LUZP2: variants seen among roughly 807,000 people sequenced by gnomAD.
The protein encoded by LUZP2 is leucine zipper protein 2.
In LUZP2, 52 loss-of-function variants were observed where a neutral mutation model predicts 51.6. That is an observed-to-expected ratio of 1.01 (90% CI 0.81 to 1.27). LUZP2 has a LOEUF of 1.27. Among genes scored for constraint, LUZP2 ranks in the 50% most tolerant of loss-of-function variants. LUZP2 has a pLI of 0.00. For synonymous variants in LUZP2, 154 were observed against 137.3 expected, an observed-to-expected ratio of 1.12 and a Z score of -0.85; for missense variants, 436 against 395.4, an observed-to-expected ratio of 1.10 and a Z score of -0.87.
intron 9 of LUZP2, among the ~76,000 whole-genome samples, chr11:25,021,783 TAG>T (rs56828026): frequency 0.57 from 86,566 of 151,492 alleles, 26,024 homozygotes; most frequent in African/African-American, 0.75. Flanking sequence ...TAGGGGAATA[TAG>T]AGAGTCTGTG....
chr11:24,917,397 G>A (rs1272455467), intron 7 of LUZP2, among the ~76,000 whole-genome samples: 1 of 152,114 alleles, frequency 6.6e-6, no homozygotes, highest in Non-Finnish European at 1.5e-5. Context: ...TTTTAGACAT[G>A]AAGTCCTTGC....
At chr11:24,609,552 A>T (rs1854046148) in intron 1 of LUZP2, among the ~76,000 whole-genome samples, 1 of 151,692 alleles carries the variant, frequency 6.6e-6, no homozygotes, top group African/African-American at 2.4e-5. Flanking sequence ...ATAGTGAAAA[A>T]ACCCTGTCTC....
At chr11:24,987,320 G>A (rs1856215549) in intron 9 of LUZP2, among the ~76,000 whole-genome samples, 2 of 151,974 alleles carry the variant, frequency 1.3e-5, no homozygotes, top group South Asian at 4.1e-4. Context: ...TGTAACTTCA[G>A]TTTTTTATCA....
rs547381844 is a variant in LUZP2 at position 25,067,790 on chromosome 11, A to G, written c.859-9539A>G. ...TTCCTCAAGGATTTGAACTAGAAATATCATTTGACCCAGCAGTCCCATTAC... is the reference window on the plus strand; with the variant it reads ...TTCCTCAAGGATTTGAACTAGAAATGTCATTTGACCCAGCAGTCCCATTAC... On this transcript the variant is annotated intron_variant, in intron 10 of 11. Transcript: ENST00000336930. 1.5e-3 allele frequency among the ~76,000 whole-genome samples: 234 copies of G among 152,130 alleles called. 3 individuals carry two copies. Among genetic ancestry groups the G allele is most frequent in the African/African-American group, 5.5e-3 (230 of 41,508 alleles).
chr11:24,575,521 C>A (rs552031987), intron 1 of LUZP2, among the ~76,000 whole-genome samples: 3 of 152,060 alleles, frequency 2.0e-5, no homozygotes, highest in African/African-American at 7.2e-5. Flanking sequence ...TTCATGATTC[C>A]TATGATTCAT....
At chr11:24,702,629 C>T (rs1215371255) in intron 1 of LUZP2, among the ~76,000 whole-genome samples, 1 of 152,120 alleles carries the variant, frequency 6.6e-6, no homozygotes, top group African/African-American at 2.4e-5. Flanking sequence ...ATGAGTGAGG[C>T]CTCACTTATC....
At chr11:24,659,230 A>G (rs981222989) in intron 1 of LUZP2, among the ~76,000 whole-genome samples, 3 of 152,232 alleles carry the variant, frequency 2.0e-5, no homozygotes, top group Non-Finnish European at 2.9e-5. Context: ...ACCATGGAAT[A>G]CTATGCAGCC....
chr11:24,500,913 G>T (rs554915571), intron 1 of LUZP2, among the ~76,000 whole-genome samples: 1 of 152,098 alleles, frequency 6.6e-6, no homozygotes. Context: ...TATTTGTTCC[G>T]TGAATTAAAC....
intron 1 of LUZP2, among the ~76,000 whole-genome samples, chr11:24,678,739 G>T (rs1208008539): frequency 2.0e-5 from 3 of 152,172 alleles, no homozygotes; most frequent in Admixed American, 2.0e-4. Context: ...GAACAAGGTT[G>T]TCTCAAAGGC....
chr11:25,019,631 T>C (rs905943882), intron 9 of LUZP2, among the ~76,000 whole-genome samples: 4 of 152,178 alleles, frequency 2.6e-5, no homozygotes, highest in African/African-American at 9.6e-5. Context: ...TCCTCATTGA[T>C]CCGTTCAACT....
At chr11:24,936,292 A>C (rs966323680) in intron 7 of LUZP2, among the ~76,000 whole-genome samples, 1 of 152,204 alleles carries the variant, frequency 6.6e-6, no homozygotes, top group Non-Finnish European at 1.5e-5. Flanking sequence ...ATACTTGTAC[A>C]TATTTTTTAA....
intron 10 of LUZP2, among the ~76,000 whole-genome samples, chr11:25,073,565 T>G (rs1859217637): frequency 6.6e-6 from 1 of 151,496 alleles, no homozygotes; most frequent in Non-Finnish European, 1.5e-5. Flanking sequence ...TTAATTTTAT[T>G]TTTTTCTTTC....
chr11:24,960,095 G>A (rs1379684034), intron 7 of LUZP2, among the ~76,000 whole-genome samples: 1 of 152,120 alleles, frequency 6.6e-6, no homozygotes, highest in African/African-American at 2.4e-5. Context: ...TCCCAGGGAT[G>A]AAGCCCACTT....
intron 5 of LUZP2, among the ~76,000 whole-genome samples, chr11:24,847,305 A>T (rs1444335073): frequency 6.6e-6 from 1 of 152,102 alleles, no homozygotes; most frequent in African/African-American, 2.4e-5. Flanking sequence ...AAGATCACTC[A>T]TTGCATATAG....
intron 4 of LUZP2, among the ~76,000 whole-genome samples, chr11:24,746,390 C>T (rs1859381871): frequency 6.6e-6 from 1 of 152,132 alleles, no homozygotes; most frequent in African/African-American, 2.4e-5. Flanking sequence ...CCCAATCCTT[C>T]TAGCTTGTAG....
At chr11:24,513,618 G>C (rs1850377836) in intron 1 of LUZP2, among the ~76,000 whole-genome samples, 1 of 152,036 alleles carries the variant, frequency 6.6e-6, no homozygotes, top group South Asian at 2.1e-4. Flanking sequence ...GGTTTTTCCT[G>C]TGTCTACTTT....
intron 9 of LUZP2, among the ~76,000 whole-genome samples, chr11:24,989,829 A>G (rs1856284811): frequency 6.6e-6 from 1 of 152,154 alleles, no homozygotes; most frequent in Non-Finnish European, 1.5e-5. Context: ...AACTAATAGA[A>G]AACAAGATTT....
chr11:24,647,198 C>T (rs1211926254), intron 1 of LUZP2, among the ~76,000 whole-genome samples: 2 of 151,910 alleles, frequency 1.3e-5, no homozygotes, highest in African/African-American at 4.8e-5. Flanking sequence ...GAGAAGTTTC[C>T]CTCCATCTTC....
intron 5 of LUZP2, among the ~76,000 whole-genome samples, chr11:24,815,563 T>C (rs1243271287): frequency 6.6e-6 from 1 of 152,142 alleles, no homozygotes; most frequent in Non-Finnish European, 1.5e-5. Flanking sequence ...GAGTTGAAAG[T>C]GGACTGATTC....
Sources: allele counts gnomAD v4.1 joint callset (sites outside exome capture counted in the v4.1 genomes callset), GRCh38; gene constraint gnomAD v4.1.1; transcripts MANE v1.5; gene names NCBI Gene and HGNC (gene_info 2026-07-23, HGNC 2026-07-21).